Variants in COL25A1 observed in about 807,000 individuals in gnomAD.
COL25A1 encodes collagen type XXV alpha 1 chain.
In COL25A1, 103 loss-of-function variants were observed where a neutral mutation model predicts 128.4. That is an observed-to-expected ratio of 0.80 (90% CI 0.68 to 0.94). COL25A1 has a LOEUF of 0.94. Ranked by LOEUF, COL25A1 falls within the 40% of genes least tolerant of loss-of-function variation. The pLI, the probability that COL25A1 is intolerant of heterozygous loss-of-function variation, is 0.00. For synonymous variants in COL25A1, 279 were observed against 277.2 expected (o/e 1.01, Z -0.06); for missense variants, 745 against 840.0 (o/e 0.89, Z 1.40).
At chr4:108,950,914 C>A (rs1462001796) in intron 8 of COL25A1, among the ~76,000 whole-genome samples, 4 of 152,148 alleles carry the variant, frequency 2.6e-5, no homozygotes, top group Non-Finnish European at 4.4e-5. Context: ...GAGGAGCAGG[C>A]AGTACTTAAG....
At chr4:109,185,152 T>C (rs1441023976) in intron 3 of COL25A1, among the ~76,000 whole-genome samples, 1 of 152,216 alleles carries the variant, frequency 6.6e-6, no homozygotes, top group Non-Finnish European at 1.5e-5. Flanking sequence ...ATTATGTATT[T>C]CATAATCATA....
At chr4:109,158,734 CT>C (rs1386628848) in intron 3 of COL25A1, among the ~76,000 whole-genome samples, 1 of 152,170 alleles carries the variant, frequency 6.6e-6, no homozygotes. Context: ...AAGCTTGAGA[CT>C]TTTAAAGAAA....
At chr4:108,849,652 G>A (rs1424061634) in intron 26 of COL25A1, among the ~76,000 whole-genome samples, 4 of 152,174 alleles carry the variant, frequency 2.6e-5, no homozygotes, top group African/African-American at 9.6e-5. Flanking sequence ...AGTCATTTAT[G>A]TGGATCCCAT....
chr4:109,154,244 T>G (rs1050836611), intron 3 of COL25A1, among the ~76,000 whole-genome samples: 1 of 152,156 alleles, frequency 6.6e-6, no homozygotes, highest in African/African-American at 2.4e-5. Flanking sequence ...TTCTAAATAA[T>G]GAGTAGCAAT....
intron 24 of COL25A1, among the ~76,000 whole-genome samples, 169 bp from the exon 25 acceptor site, chr4:108,853,094 G>C (rs1487274187): frequency 2.6e-5 from 4 of 152,102 alleles, no homozygotes; most frequent in African/African-American, 9.7e-5. Context: ...ATACAGTATA[G>C]TTGTAGAGAT....
chr4:109,041,793 A>G (rs535100166), intron 5 of COL25A1, among the ~76,000 whole-genome samples: 183 of 152,234 alleles, frequency 1.2e-3, no homozygotes, highest in Non-Finnish European at 1.3e-3. Flanking sequence ...ATGGCTGTGT[A>G]ACCGTGCCCA....
Position 108,823,011 on chromosome 4 carries a change from C to A in COL25A1, c.1845+1163G>T, listed in dbSNP as rs572877752. Among the ~76,000 whole-genome samples the A allele has an allele frequency of 1.4e-4, 22 of 152,232 alleles. No individual in the cohort carries two copies. The South Asian group carries it at 4.4e-3, about 30-fold the overall frequency. On this transcript the variant is annotated intron_variant, in intron 35 of 37. Coordinates refer to ENST00000399132, the MANE Select transcript of COL25A1 (RefSeq NM_198721.4). Reference sequence around the variant, plus strand: ...GCTTTCAGATAACCACTTACACGGGCTCTCTTACCAATGGGTGGGAGGAGA... The same window carrying A: ...GCTTTCAGATAACCACTTACACGGGATCTCTTACCAATGGGTGGGAGGAGA...
chr4:109,069,690 C>T (rs994383090), intron 3 of COL25A1, among the ~76,000 whole-genome samples: 4 of 152,142 alleles, frequency 2.6e-5, no homozygotes, highest in African/African-American at 9.7e-5. Flanking sequence ...CAGTGCAAGC[C>T]AAGACAAGAA....
intron 6 of COL25A1, among the ~76,000 whole-genome samples, chr4:109,005,878 C>T (rs941218510): frequency 6.6e-6 from 1 of 152,092 alleles, no homozygotes; most frequent in Non-Finnish European, 1.5e-5. Flanking sequence ...AGACCCAGAG[C>T]TGGAGAGGAA....
intron 11 of COL25A1, among the ~76,000 whole-genome samples, chr4:108,922,216 T>C (rs1745569435): frequency 6.6e-6 from 1 of 152,194 alleles, no homozygotes; most frequent in Non-Finnish European, 1.5e-5. Context: ...TAAATGTTCG[T>C]GCTAAGTAAG....
intron 3 of COL25A1, among the ~76,000 whole-genome samples, chr4:109,142,550 G>A (rs1179517558): frequency 1.3e-5 from 2 of 151,806 alleles, no homozygotes; most frequent in Admixed American, 6.6e-5. Context: ...GGGAGTCTAA[G>A]TCTCTTTGTA....
Position 108,974,576 on chromosome 4 carries a change from GAA to G in COL25A1, c.439-19_439-18del, listed in dbSNP as rs751843605. 5.0e-6 allele frequency: 8 copies of G among 1,584,378 alleles called. No individual in the cohort carries two copies. The highest frequency in any genetic ancestry group is 6.0e-6 in the Non-Finnish European group (7 of 1,166,808). On this transcript the variant is annotated intron_variant, in intron 6 of 37. Coordinates refer to ENST00000399132, the MANE Select transcript of COL25A1 (RefSeq NM_198721.4). ...AGGAGGGCCCTGAAAAAAAGAAAGA[GAA>G]AAAAAATTTTAATTAAAAAAAGATA...
chr4:109,276,215 A>G (rs1278649443), intron 3 of COL25A1, among the ~76,000 whole-genome samples: 1 of 152,098 alleles, frequency 6.6e-6, no homozygotes, highest in Non-Finnish European at 1.5e-5. Context: ...GATCAAGACC[A>G]TCCTGGCTAA....
intron 13 of COL25A1, among the ~76,000 whole-genome samples, chr4:108,916,004 T>G (rs1420581234): frequency 6.6e-6 from 1 of 152,180 alleles, no homozygotes; most frequent in Non-Finnish European, 1.5e-5. Context: ...GTATGTAAAA[T>G]TATTACTCTA....
intron 24 of COL25A1, among the ~76,000 whole-genome samples, chr4:108,854,854 A>G (rs1332762115): frequency 2.6e-5 from 4 of 152,182 alleles, no homozygotes; most frequent in African/African-American, 9.7e-5. Context: ...CAGCAATCCT[A>G]TTACTGGGTA....
chr4:109,244,110 T>C (rs1455880262), intron 3 of COL25A1, among the ~76,000 whole-genome samples: 1 of 147,956 alleles, frequency 6.8e-6, no homozygotes, highest in Non-Finnish European at 1.5e-5. Context: ...TCTTTATCTA[T>C]CCCGGAAGAA....
chr4:109,260,761 G>T (rs1781392483), intron 3 of COL25A1, among the ~76,000 whole-genome samples: 1 of 152,104 alleles, frequency 6.6e-6, no homozygotes, highest in African/African-American at 2.4e-5. Context: ...CTCCTAAAGT[G>T]CTGGGATTAC....
intron 16 of COL25A1, among the ~76,000 whole-genome samples, chr4:108,890,414 G>T (rs1231185624): frequency 6.6e-6 from 1 of 152,192 alleles, no homozygotes; most frequent in Non-Finnish European, 1.5e-5. Context: ...AAAGTCTTGA[G>T]AATCTGTTTT....
At chr4:109,248,475 A>T (rs988152383) in intron 3 of COL25A1, among the ~76,000 whole-genome samples, 6 of 152,184 alleles carry the variant, frequency 3.9e-5, no homozygotes, top group African/African-American at 1.4e-4. Context: ...AGGAATCCAG[A>T]GCGACATTGT....
Sources: allele counts gnomAD v4.1 joint callset (sites outside exome capture counted in the v4.1 genomes callset), GRCh38; gene constraint gnomAD v4.1.1; transcripts MANE v1.5; gene names NCBI Gene and HGNC (gene_info 2026-07-23, HGNC 2026-07-21).